LRRC49: variants seen among roughly 807,000 people sequenced by gnomAD.
The protein encoded by LRRC49 is leucine rich repeat containing 49.
A neutral mutation model predicts 83.3 loss-of-function variants in LRRC49; 50 were observed. The observed-to-expected ratio is 0.60, with a 90% CI of 0.48 to 0.76. The LOEUF (loss-of-function observed/expected upper bound fraction) is 0.76, where lower values mean the gene tolerates loss of function less well. LRRC49 is among the 30% of genes least tolerant of loss of function. The probability of loss-of-function intolerance (pLI) is 0.00; values close to 1 mark genes in which losing one functional copy is unlikely to be tolerated. For synonymous variants in LRRC49, 286 were observed against 283.3 expected, an observed-to-expected ratio of 1.01 and a Z score of -0.10; for missense variants, 704 against 809.1, an observed-to-expected ratio of 0.87 and a Z score of 1.58.
chr15:71,033,674 T>A (rs1005650506), intron 14 of LRRC49, among the ~76,000 whole-genome samples: 3 of 152,144 alleles, frequency 2.0e-5, no homozygotes, highest in Non-Finnish European at 4.4e-5. Context: ...AGCATGGTAC[T>A]GGTACCAAAA....
chr15:70,910,417 A>G (rs970158632), intron 5 of LRRC49, among the ~76,000 whole-genome samples: 3 of 152,158 alleles, frequency 2.0e-5, no homozygotes, highest in South Asian at 2.1e-4. Context: ...GATAACATGT[A>G]TATTATTCAA....
chr15:71,009,894 G>T lies in LRRC49; in HGVS notation c.1495G>T (p.Asp499Tyr), dbSNP rs777806516. 4.6e-5 allele frequency: 74 copies of T among 1,612,164 alleles called. No individual in the cohort carries two copies. The highest frequency in any genetic ancestry group is 5.2e-5 in the Non-Finnish European group (61 of 1,178,676). The part of the protein sequence containing the change: ...QLRRIDQLTI[D>Y]PQGNPVVNFT... ...CCGTCGTATTGACCAGTTGACAATT[G>T]ATCCTCAAGGAAATCCAGTTGTCAA... The change falls in exon 13 of 16, where the codon GAT (aspartate) becomes TAT (tyrosine). Residue 499 changes from aspartate (D) to tyrosine (Y), a missense_variant. Asp to Tyr is a radical substitution (Grantham distance 160, BLOSUM62 -3). Transcript: ENST00000260382.
intron 11 of LRRC49, among the ~76,000 whole-genome samples, chr15:70,984,874 G>A (rs1379122188): frequency 2.0e-5 from 3 of 150,252 alleles, no homozygotes; most frequent in South Asian, 2.1e-4. Context: ...GTGAGAATAC[G>A]CGGTGTTTGG....
Position 70,894,475 on chromosome 15 carries a change from C to A in LRRC49, c.105+835C>A, listed in dbSNP as rs374336615. On this transcript the variant is annotated intron_variant, in intron 2 of 15. Coordinates refer to ENST00000260382, the MANE Select transcript of LRRC49 (RefSeq NM_017691.5). The stretch of plus-strand genomic sequence containing the variant: ...ATTTTTTTCCCCAAGATTATTTCCC[C>A]ATAATGTCTCTAGCATTTCTAGAAT... The A allele has an allele frequency of 6.4e-5, 24 of 373,370 alleles. 1 individual carries two copies. Among genetic ancestry groups the A allele is most frequent in the African/African-American group, 5.2e-4 (24 of 46,562 alleles). 23.1% of individuals were successfully genotyped at this position (373,370 alleles called of 1,614,324 possible).
At chr15:70,958,486 C>T (rs908448442) in intron 8 of LRRC49, among the ~76,000 whole-genome samples, 1 of 151,962 alleles carries the variant, frequency 6.6e-6, no homozygotes, top group African/African-American at 2.4e-5. Flanking sequence ...AAAACATTGC[C>T]TTCAGAAGCA....
chr15:71,007,992 A>G (rs1005564973), intron 11 of LRRC49, among the ~76,000 whole-genome samples: 1 of 151,726 alleles, frequency 6.6e-6, no homozygotes, highest in Admixed American at 6.6e-5. Flanking sequence ...CTATAGAAAT[A>G]CTAATTTGTA....
intron 15 of LRRC49, among the ~76,000 whole-genome samples, chr15:71,043,301 T>C (rs1329625157): frequency 6.6e-6 from 1 of 152,192 alleles, no homozygotes; most frequent in Non-Finnish European, 1.5e-5. Flanking sequence ...GTTGACCTTC[T>C]TTTTCCCAAA....
chr15:70,866,685 A>G (rs972342640), intron 1 of LRRC49, among the ~76,000 whole-genome samples: 2 of 152,200 alleles, frequency 1.3e-5, no homozygotes, highest in African/African-American at 4.8e-5. Flanking sequence ...GTAGAAAAAT[A>G]TCTGGGAATC....
intron 14 of LRRC49, among the ~76,000 whole-genome samples, chr15:71,021,333 T>C (rs2038989683): frequency 6.6e-6 from 1 of 152,212 alleles, no homozygotes; most frequent in Non-Finnish European, 1.5e-5. Context: ...TAGATATTAG[T>C]GGGTTAATGT....
At chr15:70,894,365 T>C (rs1477505234) in intron 2 of LRRC49, among the ~76,000 whole-genome samples, 1 of 152,188 alleles carries the variant, frequency 6.6e-6, no homozygotes, top group Non-Finnish European at 1.5e-5. Context: ...ACACATCCCA[T>C]TTAAAATCAG....
At chr15:71,034,400 T>A (rs1174209374) in intron 14 of LRRC49, among the ~76,000 whole-genome samples, 1 of 152,064 alleles carries the variant, frequency 6.6e-6, no homozygotes, top group Non-Finnish European at 1.5e-5. Flanking sequence ...CTGGAGAGGA[T>A]GTGGAGAAAT....
intron 14 of LRRC49, among the ~76,000 whole-genome samples, chr15:71,031,451 TC>T (rs1182179376): frequency 2.6e-5 from 4 of 152,222 alleles, no homozygotes; most frequent in Admixed American, 2.0e-4. Flanking sequence ...GGGAGGTTTC[TC>T]CCATTCAGGA....
chr15:70,907,258 G>A (rs2034353000), intron 5 of LRRC49, among the ~76,000 whole-genome samples: 1 of 152,166 alleles, frequency 6.6e-6, no homozygotes, highest in African/African-American at 2.4e-5. Flanking sequence ...ACATTACAAA[G>A]CTCTGCATTG....
At chr15:70,936,594 T>G (rs1567059899) in intron 7 of LRRC49, 167 bp from the exon 8 acceptor site, 1 of 562,474 alleles carries the variant, frequency 1.8e-6, no homozygotes, top group East Asian at 2.8e-5. Context: ...AACCCTCCCA[T>G]TTAATCTGCA....
chr15:70,955,493 T>C (rs1168250146), intron 8 of LRRC49, among the ~76,000 whole-genome samples: 1 of 152,242 alleles, frequency 6.6e-6, no homozygotes, highest in East Asian at 1.9e-4. Context: ...AATCCAGTTT[T>C]GAGGGTCTTG....
chr15:70,942,523 C>A (rs1278909220), intron 8 of LRRC49, among the ~76,000 whole-genome samples: 1 of 152,148 alleles, frequency 6.6e-6, no homozygotes. Context: ...TAACTAGTTT[C>A]CCCTAGTGCA....
At chr15:70,913,114 C>A (rs576674073) in intron 6 of LRRC49, among the ~76,000 whole-genome samples, 7 of 152,298 alleles carry the variant, frequency 4.6e-5, no homozygotes, top group African/African-American at 1.7e-4. Flanking sequence ...GAGCTACATA[C>A]TTATGCAGAA....
intron 1 of LRRC49, chr15:70,860,136 A>G (rs992627715): frequency 5.7e-6 from 4 of 697,420 alleles, no homozygotes; most frequent in Non-Finnish European, 1.0e-5. Flanking sequence ...GCTGGTGTCC[A>G]AGTCCTCTGA....
At chr15:71,012,687 T>G (rs952310864) in intron 13 of LRRC49, 117 bp from the exon 14 acceptor site, 5 of 621,076 alleles carry the variant, frequency 8.1e-6, no homozygotes, top group Non-Finnish European at 1.4e-5. Flanking sequence ...CAGGAGAATG[T>G]GCTTTTGTGG....
Sources: allele counts gnomAD v4.1 joint callset (sites outside exome capture counted in the v4.1 genomes callset), GRCh38; gene constraint gnomAD v4.1.1; transcripts MANE v1.5; gene names NCBI Gene and HGNC (gene_info 2026-07-23, HGNC 2026-07-21).